Variants in GABBR2 observed in about 807,000 individuals in gnomAD.
The protein encoded by GABBR2 is gamma-aminobutyric acid type B receptor subunit 2.
Under a neutral mutation model 105.6 loss-of-function variants are expected in GABBR2, and 23 were observed. The observed-to-expected ratio is 0.22, with a 90% CI of 0.16 to 0.31. The LOEUF (loss-of-function observed/expected upper bound fraction) is 0.31, where lower values mean the gene tolerates loss of function less well. Ranked by LOEUF, GABBR2 falls within the 10% of genes least tolerant of loss-of-function variation. The probability of loss-of-function intolerance (pLI) is 1.00; values close to 1 mark genes in which losing one functional copy is unlikely to be tolerated. For missense variants in GABBR2, 734 were observed against 1,245.5 expected (o/e 0.59, Z 6.18); for synonymous variants, 478 against 499.7 (o/e 0.96, Z 0.58).
In GABBR2 at chr9:98,495,767, A is replaced by T. The variant is rs145647168; in HGVS notation, c.732+646T>A. 3.9e-5 allele frequency among the ~76,000 whole-genome samples: 6 copies of T among 152,226 alleles called. No homozygotes were observed. In the South Asian group the frequency reaches 6.2e-4, roughly 16 times the overall value. On this transcript the variant is annotated intron_variant, in intron 4 of 18. Transcript: ENST00000259455. ...GCACTCTCCCCAGGTGGGATGAGTC[A>T]CTTCCTCCCTTTGTTCCCAGGCCCC...
chr9:98,540,454 C>G (rs1183482495), intron 3 of GABBR2, among the ~76,000 whole-genome samples: 8 of 152,156 alleles, frequency 5.3e-5, no homozygotes, highest in Non-Finnish European at 1.2e-4. Context: ...GTCACACAGC[C>G]AATGTATGAA....
rs1181482457 is a variant in GABBR2, at chr9:98,445,702, G to T, written c.1236+8279C>A. ...GTCATTGCTGCAGGCTGATGGTGTG[G>T]GTGTAATTCCCAGGCACCTCCAGGC... On this transcript the variant is annotated intron_variant, in intron 7 of 18. Coordinates refer to ENST00000259455, the MANE Select transcript of GABBR2 (RefSeq NM_005458.8). Among the ~76,000 whole-genome samples, 3 of 152,212 alleles carry T rather than the reference G, an allele frequency of 2.0e-5. No individual in the cohort carries two copies. In the East Asian group the frequency reaches 5.8e-4, roughly 29 times the overall value.
At chr9:98,443,470 T>C (rs754614736) in intron 7 of GABBR2, among the ~76,000 whole-genome samples, 2 of 152,190 alleles carry the variant, frequency 1.3e-5, no homozygotes, top group Non-Finnish European at 2.9e-5. Context: ...GTACATTGTC[T>C]GCAGTCATTT....
chr9:98,366,517 C>T (rs780653627), intron 12 of GABBR2, among the ~76,000 whole-genome samples: 2 of 152,206 alleles, frequency 1.3e-5, no homozygotes, highest in Non-Finnish European at 2.9e-5. Context: ...CCTATTGACT[C>T]TCTGGCTCTT....
At chr9:98,510,358 T>C (rs1315669438) in intron 3 of GABBR2, among the ~76,000 whole-genome samples, 1 of 152,170 alleles carries the variant, frequency 6.6e-6, no homozygotes, top group Non-Finnish European at 1.5e-5. Flanking sequence ...AGAAACTGCA[T>C]CAACTAACGA....
intron 3 of GABBR2, among the ~76,000 whole-genome samples, chr9:98,497,376 C>T (rs1258519334): frequency 6.6e-6 from 1 of 151,906 alleles, no homozygotes; most frequent in African/African-American, 2.4e-5. Context: ...GAAATTTAGA[C>T]TTTTAAAATA....
chr9:98,354,298 T>C (rs1831450346), intron 13 of GABBR2, among the ~76,000 whole-genome samples: 1 of 152,172 alleles, frequency 6.6e-6, no homozygotes, highest in Non-Finnish European at 1.5e-5. Flanking sequence ...ATTTTTGAAA[T>C]GGGAAATGGG....
At chr9:98,473,054 G>T in intron 6 of GABBR2, 92 bp downstream of exon 6, 1 of 920,844 alleles carries the variant, frequency 1.1e-6, no homozygotes, top group Non-Finnish European at 1.7e-6. Flanking sequence ...AAGTGACACA[G>T]GACAATAAAT....
chr9:98,299,118 C>T (rs946760264), intron 17 of GABBR2, 106 bp downstream of exon 17: 2 of 941,032 alleles, frequency 2.1e-6, no homozygotes, highest in African/African-American at 3.2e-5. Context: ...CATACCAGTC[C>T]TGTGCCCTGT....
intron 3 of GABBR2, among the ~76,000 whole-genome samples, chr9:98,531,511 A>G (rs1828066944): frequency 6.6e-6 from 1 of 152,142 alleles, no homozygotes; most frequent in Non-Finnish European, 1.5e-5. Context: ...CCACTGAGCA[A>G]AACATCCTGG....
At chr9:98,298,720 A>G (rs1413760836) in intron 17 of GABBR2, among the ~76,000 whole-genome samples, 1 of 152,124 alleles carries the variant, frequency 6.6e-6, no homozygotes, top group African/African-American at 2.4e-5. Flanking sequence ...GGCCTCCCAA[A>G]ATGCTGGGAT....
intron 11 of GABBR2, among the ~76,000 whole-genome samples, chr9:98,375,757 C>T (rs887899824): frequency 1.3e-5 from 2 of 152,206 alleles, no homozygotes; most frequent in African/African-American, 4.8e-5. Context: ...CCCCTTCTCC[C>T]CCTCCATCAG....
chr9:98,546,697 A>G (rs1828409058), intron 2 of GABBR2, among the ~76,000 whole-genome samples: 2 of 152,228 alleles, frequency 1.3e-5, no homozygotes, highest in African/African-American at 4.8e-5. Flanking sequence ...TGAAAAGAGC[A>G]TATGGACAGA....
At position 98,609,978 on chromosome 9, in the gene GABBR2, G is replaced by A. The variant is rs144717460; in HGVS notation, c.322-31906C>T. Among the ~76,000 whole-genome samples the A allele has an allele frequency of 8.2e-3, 1,243 of 152,318 alleles. 24 individuals are homozygous for A. The highest frequency in any genetic ancestry group is 0.028 in the African/African-American group (1,182 of 41,580). ...CAAGATCAGAAACCCAGACACGGAG[G>A]CTGCACTTGGCAATGAAGGGGACAC... On this transcript the variant is annotated intron_variant, in intron 1 of 18. Transcript: ENST00000259455.
rs1237050820 is a variant in GABBR2 at position 98,362,735 on chromosome 9, C to T, written c.1873G>A (p.Val625Met). Reference protein sequence around the residue: ...WQAVDPLRRTVEKYSMEPDPA... With the variant: ...WQAVDPLRRTMEKYSMEPDPA... Reference sequence around the variant, plus strand: ...CTTACCTCCATGCTGTACTTCTCCACTGTCCTTCGCAGGGGGTCCACAGCC... The same window carrying T: ...CTTACCTCCATGCTGTACTTCTCCATTGTCCTTCGCAGGGGGTCCACAGCC... The change falls in exon 13 of 19, where the codon GTG becomes ATG. Residue 625 changes from valine to methionine, a missense_variant. Val to Met is a conservative substitution (Grantham distance 21). Coordinates refer to ENST00000259455, the MANE Select transcript of GABBR2 (RefSeq NM_005458.8). 1.9e-6 allele frequency: 3 copies of T among 1,597,884 alleles called. No individual in the cohort carries two copies. The highest frequency in any genetic ancestry group is 1.7e-6 in the Non-Finnish European group (2 of 1,173,384).
chr9:98,445,021 A>G (rs1354945612), intron 7 of GABBR2, among the ~76,000 whole-genome samples: 1 of 152,344 alleles, frequency 6.6e-6, no homozygotes, highest in African/African-American at 2.4e-5. Context: ...CTGATTATTT[A>G]TCGGGTTGAA....
chr9:98,385,347 T>G (rs997828558), intron 11 of GABBR2, among the ~76,000 whole-genome samples: 1 of 152,098 alleles, frequency 6.6e-6, no homozygotes, highest in Non-Finnish European at 1.5e-5. Context: ...GGACTACAGG[T>G]GTACACCAGC....
rs565866837 is a variant in GABBR2 at position 98,444,876 on chromosome 9, C to T, written c.1236+9105G>A. Among the ~76,000 whole-genome samples, 8 of 98,974 alleles carry T rather than the reference C, an allele frequency of 8.1e-5. 1 individual carries two copies. The South Asian group carries it at 9.6e-4, about 12-fold the overall frequency. 64.9% of individuals were successfully genotyped at this position (98,974 alleles called of 152,430 possible). A position where few individuals can be genotyped will look rare whatever the true frequency, so the allele number is the denominator to read the frequency against. Reference sequence around the variant, plus strand: ...GCACATGCATATGCACATGCGCGCGCGCGCACACACACACACACACACACG... The same window carrying T: ...GCACATGCATATGCACATGCGCGCGTGCGCACACACACACACACACACACG... On this transcript the variant is annotated intron_variant, in intron 7 of 18. Coordinates refer to ENST00000259455, the MANE Select transcript of GABBR2 (RefSeq NM_005458.8).
At chr9:98,459,210 T>C (rs187338204) in intron 6 of GABBR2, among the ~76,000 whole-genome samples, 11 of 152,304 alleles carry the variant, frequency 7.2e-5, no homozygotes, top group Non-Finnish European at 1.3e-4. Context: ...AGACTTCCAC[T>C]CTATGATGAA....
Sources: gnomAD v4.1 joint callset for allele counts (sites outside exome capture counted in the v4.1 genomes callset) on GRCh38, gnomAD v4.1.1 for gene constraint, MANE v1.5 for transcripts, NCBI Gene and HGNC (gene_info 2026-07-23, HGNC 2026-07-21) for gene names.